LMBRD2: variants seen among roughly 807,000 people sequenced by gnomAD.
LMBRD2 encodes LMBR1 domain containing 2.
Under a neutral mutation model 94.4 loss-of-function variants are expected in LMBRD2, and 55 were observed. The ratio of observed to expected loss-of-function variants is 0.58; its 90% CI spans 0.47 to 0.73. LMBRD2 has a LOEUF of 0.73. Among genes scored for constraint, LMBRD2 ranks in the 30% least tolerant of loss-of-function variants. The pLI is 0.00. For synonymous variants in LMBRD2, 246 were observed against 272.4 expected, an observed-to-expected ratio of 0.90 and a Z score of 0.95; for missense variants, 640 against 831.9, an observed-to-expected ratio of 0.77 and a Z score of 2.84.
chr5:36,117,453 C>T (rs577788756), intron 10 of LMBRD2, among the ~76,000 whole-genome samples: 2 of 152,120 alleles, frequency 1.3e-5, no homozygotes, highest in East Asian at 3.9e-4. Flanking sequence ...CACCACACTC[C>T]AGCCTGGGTG....
At chr5:36,148,944 G>A (rs947048383) in intron 1 of LMBRD2, among the ~76,000 whole-genome samples, 2 of 152,118 alleles carry the variant, frequency 1.3e-5, no homozygotes, top group African/African-American at 2.4e-5. Context: ...AGAATTTAAC[G>A]CAAACTTTTT....
At chr5:36,130,167 G>A (rs932364280) in intron 6 of LMBRD2, among the ~76,000 whole-genome samples, 2 of 151,932 alleles carry the variant, frequency 1.3e-5, no homozygotes, top group South Asian at 4.1e-4. Flanking sequence ...GCACATGTAC[G>A]CTAAAACTTA....
At chr5:36,120,059 CTTTAT>C (rs752939637) in intron 9 of LMBRD2, among the ~76,000 whole-genome samples, 1 of 145,266 alleles carries the variant, frequency 6.9e-6, no homozygotes, top group African/African-American at 2.6e-5. Context: ...CTCTCTCTCT[CTTTAT>C]TTCTTTTTTT....
intron 5 of LMBRD2, among the ~76,000 whole-genome samples, chr5:36,136,978 T>C (rs1222318688): frequency 6.6e-6 from 1 of 152,152 alleles, no homozygotes; most frequent in Non-Finnish European, 1.5e-5. Flanking sequence ...ATAAAACCAG[T>C]TATTTTATCA....
intron 10 of LMBRD2, among the ~76,000 whole-genome samples, chr5:36,116,966 G>A (rs1456166084): frequency 1.3e-5 from 2 of 151,922 alleles, no homozygotes; most frequent in Admixed American, 1.3e-4. Context: ...GAGCCACCAC[G>A]CCCAGCCTGG....
At chr5:36,118,586 G>T (rs1440975038) in intron 9 of LMBRD2, among the ~76,000 whole-genome samples, 2 of 150,948 alleles carry the variant, frequency 1.3e-5, no homozygotes, top group African/African-American at 4.9e-5. Context: ...AATCAATATG[G>T]CAAAATATTA....
chr5:36,122,162 C>T (rs1743900622), intron 9 of LMBRD2, 118 bp downstream of exon 9: 1 of 659,110 alleles, frequency 1.5e-6, no homozygotes, highest in Admixed American at 3.4e-5. Flanking sequence ...CTTAATATCA[C>T]ATGGTATAAA....
rs577891221 is a variant in LMBRD2 at position 36,099,008 on chromosome 5, G to A, written c.*5038C>T. The A allele has an allele frequency of 6.6e-6, 1 of 152,000 alleles. No individual in the cohort carries two copies. The highest frequency in any genetic ancestry group is 6.6e-5 in the Admixed American group (1 of 15,232). 9.4% of individuals were successfully genotyped at this position (152,000 alleles called of 1,614,324 possible). ...AATTTTCTATTTCACCTAATCAACT[G>A]AATTGGATAAAGGCAAAATAACAAG... On this transcript the variant is annotated 3_prime_UTR_variant, in exon 18 of 18. Coordinates refer to ENST00000296603, the MANE Select transcript of LMBRD2 (RefSeq NM_001007527.2).
At chr5:36,142,706 A>G in intron 2 of LMBRD2, 107 bp from the exon 3 acceptor site, 1 of 586,930 alleles carries the variant, frequency 1.7e-6, no homozygotes, top group Non-Finnish European at 3.0e-6. Context: ...CTTCTTGGCT[A>G]TGCTTTATTC....
At position 36,099,878 on chromosome 5, in the gene LMBRD2, T is replaced by C. The variant is rs1409552923; in HGVS notation, c.*4168A>G. 1 of 152,098 alleles carries C rather than the reference T, an allele frequency of 6.6e-6. No homozygotes were observed. The highest frequency in any genetic ancestry group is 1.5e-5 in the Non-Finnish European group (1 of 68,012). The allele number at this position is 152,098 out of a possible 1,614,324, so 9.4% of individuals were successfully genotyped here. A position where few individuals can be genotyped will look rare whatever the true frequency, so the allele number is the denominator to read the frequency against. On this transcript the variant is annotated 3_prime_UTR_variant, in exon 18 of 18. Transcript: ENST00000296603. ...TCCTCAATTGACCTCAATGGACCAA[T>C]GGCTTGGTACAGAAGGAATCAGAGG...
At chr5:36,137,164 A>C (rs962108927) in intron 5 of LMBRD2, 110 bp downstream of exon 5, 25 of 653,436 alleles carry the variant, frequency 3.8e-5, no homozygotes, top group Non-Finnish European at 6.1e-5. Context: ...AATATGTAAC[A>C]ATATATTTCT....
Position 36,141,133 on chromosome 5 carries a change from C to A in LMBRD2, c.342G>T (p.Val114=). ...DGIMPIFWRV[V]YWTSQFLTWI... is the part of the protein sequence containing the mutation. The stretch of plus-strand genomic sequence containing the variant: ...ATGTTAAAAATTGTGACGTCCAATA[C>A]ACTACCCTCCAGAAAATTGGCATGA... The change falls in exon 4 of 18, where the codon GTG becomes GTT. Residue 114 remains valine (V), a synonymous_variant. Coordinates refer to ENST00000296603, the MANE Select transcript of LMBRD2 (RefSeq NM_001007527.2). 1 of 1,607,628 alleles carries A rather than the reference C, an allele frequency of 6.2e-7. No homozygotes were observed. The highest frequency in any genetic ancestry group is 2.2e-5 in the East Asian group (1 of 44,722).
chr5:36,131,404 C>G (rs2111890325), intron 6 of LMBRD2, among the ~76,000 whole-genome samples: 1 of 152,176 alleles, frequency 6.6e-6, no homozygotes, highest in Admixed American at 6.5e-5. Context: ...AAATTGAAAG[C>G]CTTTCCTTTA....
In LMBRD2 at chr5:36,123,544, C is replaced by T. The variant is rs546474668; in HGVS notation, c.823-583G>A. On this transcript the variant is annotated intron_variant, in intron 7 of 17. Transcript: ENST00000296603. ...GAACACTACACAAGAATCAGTATAA[C>T]AGATTTAAAATCTAGGAAAATAAAT... is the stretch of plus-strand genomic sequence containing the variant. Among the ~76,000 whole-genome samples the T allele has an allele frequency of 6.6e-5, 10 of 152,066 alleles. No homozygotes were observed. The South Asian group carries it at 1.9e-3, about 28-fold the overall frequency.
intron 6 of LMBRD2, among the ~76,000 whole-genome samples, chr5:36,134,100 T>C (rs1382083164): frequency 1.3e-5 from 2 of 152,108 alleles, no homozygotes; most frequent in African/African-American, 4.8e-5. Flanking sequence ...CAAATATAAA[T>C]GTAAAATTTA....
At chr5:36,133,019 C>G (rs1427378741) in intron 6 of LMBRD2, among the ~76,000 whole-genome samples, 1 of 147,842 alleles carries the variant, frequency 6.8e-6, no homozygotes, top group Non-Finnish European at 1.5e-5. Context: ...AAAAAAAAAG[C>G]TACCATGTGT....
intron 6 of LMBRD2, among the ~76,000 whole-genome samples, chr5:36,130,166 C>A (rs190133015): frequency 4.0e-5 from 6 of 151,702 alleles, no homozygotes; most frequent in African/African-American, 1.5e-4. Flanking sequence ...TGCACATGTA[C>A]GCTAAAACTT....
At chr5:36,110,028 A>G (rs1177918282) in intron 14 of LMBRD2, 37 bp from the exon 15 acceptor site, 12 of 1,529,314 alleles carry the variant, frequency 7.8e-6, no homozygotes, top group African/African-American at 1.4e-5. Flanking sequence ...ATGGCATAAC[A>G]TGGTTTAATC....
chr5:36,137,696 G>T (rs912565621), intron 4 of LMBRD2, among the ~76,000 whole-genome samples: 2 of 152,130 alleles, frequency 1.3e-5, no homozygotes, highest in Admixed American at 6.5e-5. Flanking sequence ...AAACATTTTT[G>T]ATCAAATTTT....
Sources: gnomAD v4.1 joint callset for allele counts (sites outside exome capture counted in the v4.1 genomes callset) on GRCh38, gnomAD v4.1.1 for gene constraint, MANE v1.5 for transcripts, NCBI Gene and HGNC (gene_info 2026-07-23, HGNC 2026-07-21) for gene names.